The following EXT1 variants were observed in gnomAD, a reference collection of about 807,000 sequenced individuals.
EXT1 encodes the protein exostosin-1.
EXT1 carries 20 observed loss-of-function variants against 82.5 expected under a neutral mutation model. The observed-to-expected ratio is 0.24, with a 90% CI of 0.17 to 0.35. The LOEUF is 0.35. Ranked by LOEUF, EXT1 falls within the 10% of genes least tolerant of loss-of-function variation. EXT1 has a pLI of 1.00. For missense variants in EXT1, 757 were observed against 936.5 expected (o/e 0.81, Z 2.50); for synonymous variants, 348 against 350.8 (o/e 0.99, Z 0.09).
At chr8:118,022,663 A>G (rs1816129613) in intron 1 of EXT1, among the ~76,000 whole-genome samples, 1 of 151,956 alleles carries the variant, frequency 6.6e-6, no homozygotes, top group Admixed American at 6.6e-5. Flanking sequence ...TATATTATTA[A>G]TTCCTCTTAG....
intron 1 of EXT1, among the ~76,000 whole-genome samples, chr8:118,105,338 T>C (rs905748181): frequency 1.3e-5 from 2 of 152,188 alleles, no homozygotes; most frequent in Non-Finnish European, 2.9e-5. Context: ...TGGCCTCCAA[T>C]GGGCAGGACC....
intron 1 of EXT1, among the ~76,000 whole-genome samples, chr8:118,010,964 C>T (rs984510846): frequency 1.3e-5 from 2 of 152,172 alleles, no homozygotes; most frequent in African/African-American, 4.8e-5. Context: ...TAATATGACA[C>T]TGAGAGGACA....
At chr8:117,823,267 C>CA (rs1554579072) in intron 4 of EXT1, among the ~76,000 whole-genome samples, 1 of 152,032 alleles carries the variant, frequency 6.6e-6, no homozygotes, top group Non-Finnish European at 1.5e-5. Flanking sequence ...TAATAATAGC[C>CA]AAGCTAGTTC....
intron 1 of EXT1, among the ~76,000 whole-genome samples, chr8:118,093,317 C>T (rs549800786): frequency 4.2e-4 from 61 of 146,168 alleles, no homozygotes; most frequent in South Asian, 2.0e-3. Flanking sequence ...ACATGTTCCA[C>T]ATACAAATAC....
chr8:117,794,831 CT>C lies in EXT1; in HGVS notation c.*4880del, dbSNP rs1823068813. 6.6e-6 allele frequency: 1 copy of C among 152,176 alleles called. No individual in the cohort carries two copies. Among genetic ancestry groups the C allele is most frequent in the South Asian group, 2.1e-4 (1 of 4,824 alleles). The allele number at this position is 152,176 out of a possible 1,614,324, so 9.4% of individuals were successfully genotyped here. ...TACATCGTATACAAAATAAGGTATA[CT>C]TTTGTTTTTTGCGTTACAATTTGCC... On this transcript the variant is annotated 3_prime_UTR_variant, in exon 11 of 11. Transcript: ENST00000378204.
intron 1 of EXT1, among the ~76,000 whole-genome samples, chr8:118,096,760 G>A (rs910222709): frequency 2.6e-5 from 4 of 152,120 alleles, no homozygotes; most frequent in African/African-American, 7.2e-5. Flanking sequence ...AAGGTTCATT[G>A]GGAGAAACTT....
chr8:117,952,717 T>C (rs961759627), intron 1 of EXT1, among the ~76,000 whole-genome samples: 1 of 151,468 alleles, frequency 6.6e-6, no homozygotes, highest in Admixed American at 6.6e-5. Context: ...GCCAAGATCA[T>C]GCCAATGCAC....
chr8:117,988,036 C>T (rs114755575), intron 1 of EXT1, among the ~76,000 whole-genome samples: 1,806 of 152,148 alleles, frequency 0.012, 34 homozygotes, highest in African/African-American at 0.04. Context: ...TGTGGTGAGC[C>T]GTAATGGTGC....
rs1023516684 is a variant in EXT1 at position 117,797,346 on chromosome 8, G to A, written c.*2366C>T. 4 of 152,186 alleles carry A rather than the reference G, an allele frequency of 2.6e-5. No individual in the cohort carries two copies. The highest frequency in any genetic ancestry group is 7.2e-5 in the African/African-American group (3 of 41,438). The allele number at this position is 152,186 out of a possible 1,614,324, so 9.4% of individuals were successfully genotyped here. A position where few individuals can be genotyped will look rare whatever the true frequency, so the allele number is the denominator to read the frequency against. On this transcript the variant is annotated 3_prime_UTR_variant, in exon 11 of 11. Coordinates refer to ENST00000378204, the MANE Select transcript of EXT1 (RefSeq NM_000127.3). ...GTGGATGAAAGGTGTGTTATATCCT[G>A]TTCTTATTTATAATTACCATTTTTC...
intron 1 of EXT1, among the ~76,000 whole-genome samples, chr8:118,102,235 C>G (rs1586275049): frequency 6.6e-6 from 1 of 151,942 alleles, no homozygotes; most frequent in South Asian, 2.1e-4. Context: ...CCACTGCACT[C>G]CAGCCTGGGT....
intron 2 of EXT1, among the ~76,000 whole-genome samples, chr8:117,835,932 G>T (rs1051859359): frequency 4.6e-5 from 7 of 152,142 alleles, no homozygotes; most frequent in Admixed American, 6.5e-5. Context: ...TCTGGTCAAC[G>T]TAACTCCCAC....
intron 1 of EXT1, among the ~76,000 whole-genome samples, chr8:118,056,003 G>C (rs1349312051): frequency 2.0e-5 from 3 of 152,050 alleles, no homozygotes; most frequent in Non-Finnish European, 2.9e-5. Flanking sequence ...GCTTCCCTGG[G>C]CCACACTGGA....
At chr8:117,826,545 T>C (rs1054739021) in intron 4 of EXT1, among the ~76,000 whole-genome samples, 1 of 152,252 alleles carries the variant, frequency 6.6e-6, no homozygotes, top group South Asian at 2.1e-4. Context: ...ATTGTTCTTA[T>C]AAACACATTT....
intron 1 of EXT1, among the ~76,000 whole-genome samples, chr8:117,978,240 G>T (rs185776984): frequency 6.6e-6 from 1 of 152,338 alleles, no homozygotes; most frequent in African/African-American, 2.4e-5. Flanking sequence ...AAATGTGAAT[G>T]TCTGGCAAAC....
intron 3 of EXT1, chr8:117,831,553 T>TAAA: frequency 2.1e-6 from 1 of 471,026 alleles, no homozygotes; most frequent in Non-Finnish European, 4.4e-6. Flanking sequence ...GTCTATAGTC[T>TAAA]TTAGGGAAGA....
At position 118,083,359 on chromosome 8, in the gene EXT1, G is replaced by A. The variant is rs533595544; in HGVS notation, c.962+26726C>T. Among the ~76,000 whole-genome samples, 6 of 152,212 alleles carry A rather than the reference G, an allele frequency of 3.9e-5. No homozygotes were observed. In the South Asian group the frequency reaches 8.3e-4, roughly 21 times the overall value. The stretch of plus-strand genomic sequence containing the variant: ...ACTGTACTATTTAATACTCTCCATC[G>A]AGTCCCCATTGCTCCTATTATATCT... On this transcript the variant is annotated intron_variant, in intron 1 of 10. Coordinates refer to ENST00000378204, the MANE Select transcript of EXT1 (RefSeq NM_000127.3).
intron 1 of EXT1, among the ~76,000 whole-genome samples, chr8:117,846,108 CT>C (rs1812355670): frequency 6.6e-6 from 1 of 151,850 alleles, no homozygotes; most frequent in Admixed American, 6.6e-5. Context: ...CCAGCTTTTT[CT>C]TTTTTCCCCC....
rs1052617240 is a variant in EXT1 at position 117,888,231 on chromosome 8, T to C, written c.963-51030A>G. Among the ~76,000 whole-genome samples the C allele has an allele frequency of 2.0e-5, 3 of 151,950 alleles. No homozygotes were observed. In the East Asian group the frequency reaches 5.8e-4, roughly 29 times the overall value. On this transcript the variant is annotated intron_variant, in intron 1 of 10. Coordinates refer to ENST00000378204, the MANE Select transcript of EXT1 (RefSeq NM_000127.3). ...AACATGCAGTTCATAGAAATACACATGAAGTCATTTTCACAGAGGTTATCA... is the reference window on the plus strand; with the variant it reads ...AACATGCAGTTCATAGAAATACACACGAAGTCATTTTCACAGAGGTTATCA...
intron 1 of EXT1, among the ~76,000 whole-genome samples, chr8:118,005,468 G>A (rs1042096401): frequency 2.0e-5 from 3 of 152,198 alleles, no homozygotes; most frequent in Non-Finnish European, 2.9e-5. Context: ...TTTAGTATAT[G>A]CCAGGCTCTT....
Sources: gnomAD v4.1 joint callset for allele counts (sites outside exome capture counted in the v4.1 genomes callset) on GRCh38, gnomAD v4.1.1 for gene constraint, MANE v1.5 for transcripts, NCBI Gene and HGNC (gene_info 2026-07-23, HGNC 2026-07-21) for gene names.